ATP6V0A2: variants seen among roughly 807,000 people sequenced by gnomAD.
ATP6V0A2 encodes V-type proton ATPase 116 kDa subunit a 2.
In ATP6V0A2, 58 loss-of-function variants were observed where a neutral mutation model predicts 104.4. The observed-to-expected ratio is 0.56, with a 90% CI of 0.45 to 0.69. The LOEUF (loss-of-function observed/expected upper bound fraction) is 0.69. Among genes scored for constraint, ATP6V0A2 ranks in the 30% least tolerant of loss-of-function variants. ATP6V0A2 has a pLI of 0.00. For synonymous variants in ATP6V0A2, 376 were observed against 397.9 expected (o/e 0.95, Z 0.65); for missense variants, 938 against 1,062.9 (o/e 0.88, Z 1.63).
chr12:123,755,092 G>A (rs982914437), intron 18 of ATP6V0A2, among the ~76,000 whole-genome samples: 8 of 152,276 alleles, frequency 5.3e-5, no homozygotes, highest in East Asian at 1.9e-4. Context: ...GTACCTAGCC[G>A]TGCAGTTAGG....
rs886206082 is a variant in ATP6V0A2 at position 123,757,864 on chromosome 12, A to G, written c.2466-63A>G. On this transcript the variant is annotated intron_variant, in intron 19 of 19. Coordinates refer to ENST00000330342, the MANE Select transcript of ATP6V0A2 (RefSeq NM_012463.4). ...AGGAATTTTTTTTTTTAACTTATAA[A>G]TGTTGTTTTAAGGAATGTGATTTCA... 3 of 1,023,828 alleles carry G rather than the reference A, an allele frequency of 2.9e-6. No individual in the cohort carries two copies. The Admixed American group carries it at 7.4e-5, about 25-fold the overall frequency. 63.4% of individuals were successfully genotyped at this position (1,023,828 alleles called of 1,614,324 possible).
chr12:123,729,322 G>GTTGTTTTTTTTTTTT (rs1956478194), intron 6 of ATP6V0A2, among the ~76,000 whole-genome samples: 1 of 113,890 alleles, frequency 8.8e-6, no homozygotes, highest in African/African-American at 3.4e-5. Context: ...CAAGGAGGCT[G>GTTGTTTTTTTTTTTT]TTTTTTTTTT....
At chr12:123,735,913 C>T (rs1956548248) in intron 8 of ATP6V0A2, among the ~76,000 whole-genome samples, 6 of 152,148 alleles carry the variant, frequency 3.9e-5, no homozygotes, top group Admixed American at 3.9e-4. Context: ...GCTCTGTCGC[C>T]CAGGCTTGGA....
chr12:123,722,682 C>G (rs1956411511), intron 3 of ATP6V0A2, among the ~76,000 whole-genome samples: 1 of 152,154 alleles, frequency 6.6e-6, no homozygotes, highest in Non-Finnish European at 1.5e-5. Context: ...CATATGCTTC[C>G]TTTCCAGGTG....
At chr12:123,729,002 AAG>A (rs1291550561) in intron 6 of ATP6V0A2, among the ~76,000 whole-genome samples, 578 of 150,088 alleles carry the variant, frequency 3.9e-3, no homozygotes, top group East Asian at 7.3e-3. Flanking sequence ...TCACTTGATT[AAG>A]GCACTTCTCT....
chr12:123,718,913 C>T (rs1956370141), intron 2 of ATP6V0A2, among the ~76,000 whole-genome samples: 1 of 152,026 alleles, frequency 6.6e-6, no homozygotes, highest in African/African-American at 2.4e-5. Context: ...ACATAATGGC[C>T]TGGTTATTTT....
At chr12:123,724,528 CAA>C (rs796749108) in intron 3 of ATP6V0A2, 124 bp from the exon 4 acceptor site, 6,832 of 753,676 alleles carry the variant, frequency 9.1e-3, no homozygotes, top group East Asian at 0.011. Flanking sequence ...GACTCCATCT[CAA>C]AAAAAAAAAA....
chr12:123,743,460 C>G (rs554512047), intron 9 of ATP6V0A2, among the ~76,000 whole-genome samples: 1 of 151,854 alleles, frequency 6.6e-6, no homozygotes. Context: ...TCGAGACCAG[C>G]CTGACCTACA....
intron 7 of ATP6V0A2, among the ~76,000 whole-genome samples, chr12:123,735,033 C>T (rs1387735193): frequency 6.6e-6 from 1 of 152,130 alleles, no homozygotes; most frequent in Non-Finnish European, 1.5e-5. Flanking sequence ...TTTGGGGACA[C>T]AGCTCGTCAT....
intron 9 of ATP6V0A2, among the ~76,000 whole-genome samples, chr12:123,738,681 G>C (rs1255619964): frequency 6.6e-6 from 1 of 152,102 alleles, no homozygotes; most frequent in African/African-American, 2.4e-5. Context: ...TGAATCACAG[G>C]CTTTTCCCAC....
intron 8 of ATP6V0A2, among the ~76,000 whole-genome samples, chr12:123,736,483 C>T (rs2135901030): frequency 6.6e-6 from 1 of 152,246 alleles, no homozygotes; most frequent in East Asian, 1.9e-4. Flanking sequence ...TGAGCTACCG[C>T]CCCCGGTCTG....
intron 1 of ATP6V0A2, among the ~76,000 whole-genome samples, chr12:123,714,680 T>C (rs553141069): frequency 3.9e-5 from 6 of 152,274 alleles, no homozygotes; most frequent in Middle Eastern, 6.8e-3. Flanking sequence ...GTGCCTTGAA[T>C]TGAATCTACA....
At position 123,758,144 on chromosome 12, in the gene ATP6V0A2, T is replaced by C. The variant is rs960633712; in HGVS notation, c.*112T>C. On this transcript the variant is annotated 3_prime_UTR_variant, in exon 20 of 20. Coordinates refer to ENST00000330342, the MANE Select transcript of ATP6V0A2 (RefSeq NM_012463.4). Reference sequence around the variant, plus strand: ...AAATTCCATCTTCATTACTGCCTTATGACATAGCCAAATAATTCTGTAAGA... The same window carrying C: ...AAATTCCATCTTCATTACTGCCTTACGACATAGCCAAATAATTCTGTAAGA... The C allele has an allele frequency of 8.3e-6, 6 of 724,782 alleles. No homozygotes were observed. Among genetic ancestry groups the C allele is most frequent in the South Asian group, 1.6e-5 (1 of 63,818 alleles). 44.9% of individuals were successfully genotyped at this position (724,782 alleles called of 1,614,324 possible). A position where few individuals can be genotyped will look rare whatever the true frequency, so the allele number is the denominator to read the frequency against.
chr12:123,728,477 C>T (rs554451290), intron 6 of ATP6V0A2, among the ~76,000 whole-genome samples: 2 of 150,454 alleles, frequency 1.3e-5, no homozygotes, highest in South Asian at 2.1e-4. Flanking sequence ...CTTGAGCCAT[C>T]CTCCTGCCTT....
Position 123,756,951 on chromosome 12 carries a change from G to A in ATP6V0A2, c.2430G>A (p.Gly810=), listed in dbSNP as rs1221922444. The change falls in exon 19 of 20, where the codon GGG becomes GGA. Residue 810 remains glycine (G), a synonymous_variant. Transcript: ENST00000330342. ...TTTTCATCCTTCTGATCATGGAAGG[G>A]CTTTCTGCGTTTCTTCACGCCATAC... The part of the protein sequence containing the change: ...LTIFILLIME[G]LSAFLHAIRL... 6.2e-7 allele frequency: 1 copy of A among 1,614,062 alleles called. No individual in the cohort carries two copies. The highest frequency in any genetic ancestry group is 1.3e-5 in the African/African-American group (1 of 74,914).
chr12:123,724,275 A>G (rs1956427059), intron 3 of ATP6V0A2: 1 of 184,028 alleles, frequency 5.4e-6, no homozygotes, highest in Admixed American at 5.8e-5. Flanking sequence ...TATTCTTAGT[A>G]GAGACAGGGA....
At chr12:123,726,149 A>G (rs1389280484) in intron 4 of ATP6V0A2, 48 bp from the exon 5 acceptor site, 1 of 1,404,908 alleles carries the variant, frequency 7.1e-7, no homozygotes, top group South Asian at 1.2e-5. Flanking sequence ...TGAGAAATAA[A>G]GTGTCACTTT....
intron 13 of ATP6V0A2, among the ~76,000 whole-genome samples, chr12:123,745,444 C>T (rs540729234): frequency 2.6e-5 from 4 of 152,276 alleles, no homozygotes; most frequent in South Asian, 4.1e-4. Context: ...GAAGTACTCA[C>T]GCCTGTAATT....
At chr12:123,722,861 CA>C (rs1359930306) in intron 3 of ATP6V0A2, among the ~76,000 whole-genome samples, 1 of 151,956 alleles carries the variant, frequency 6.6e-6, no homozygotes, top group Non-Finnish European at 1.5e-5. Context: ...ACAGTCCTCC[CA>C]CATTTACCCT....
Sources: gnomAD v4.1 joint callset for allele counts (sites outside exome capture counted in the v4.1 genomes callset) on GRCh38, gnomAD v4.1.1 for gene constraint, MANE v1.5 for transcripts, NCBI Gene and HGNC (gene_info 2026-07-23, HGNC 2026-07-21) for gene names.